PSMB4: variants seen among roughly 807,000 people sequenced by gnomAD.
PSMB4 encodes the protein proteasome subunit beta type-4.
A neutral mutation model predicts 35.2 loss-of-function variants in PSMB4; 16 were observed. The observed-to-expected ratio is 0.45, with a 90% CI of 0.31 to 0.69. PSMB4 has a LOEUF of 0.69. Among genes scored for constraint, PSMB4 ranks in the 30% least tolerant of loss-of-function variants. The probability of loss-of-function intolerance (pLI) is 0.06; values close to 1 mark genes in which losing one functional copy is unlikely to be tolerated. For synonymous variants in PSMB4, 144 were observed against 134.1 expected (o/e 1.07, Z -0.51); for missense variants, 333 against 351.8 (o/e 0.95, Z 0.43).
chr1:151,401,936 G>A lies in PSMB4; in HGVS notation c.*107G>A. ...GTAAAGTAAATAAATTCTTCAAAAT[G>A]CTTGCTGAGTGGTTTTTGTCTGACT... is the stretch of plus-strand genomic sequence containing the variant. On this transcript the variant is annotated 3_prime_UTR_variant, in exon 7 of 7. Transcript: ENST00000290541. The A allele has an allele frequency of 8.0e-7, 1 of 1,247,332 alleles. No individual in the cohort carries two copies. The allele number at this position is 1,247,332 out of a possible 1,614,324, so 77.3% of individuals were successfully genotyped here. A position where few individuals can be genotyped will look rare whatever the true frequency, so the allele number is the denominator to read the frequency against.
At position 151,400,127 on chromosome 1, in the gene PSMB4, T is replaced by C; in HGVS notation, c.287T>C (p.Leu96Pro). ...ATGCGAGTCAACAACAGTACCATGCTGGGTGCCTCTGGCGACTACGCTGAT... is the reference window on the plus strand; with the variant it reads ...ATGCGAGTCAACAACAGTACCATGCCGGGTGCCTCTGGCGACTACGCTGAT... ...RIMRVNNSTMLGASGDYADFQ... is the reference protein window; with the variant it reads ...RIMRVNNSTMPGASGDYADFQ... The change falls in exon 2 of 7, where the codon CTG becomes CCG. Residue 96 changes from leucine to proline, a missense_variant. Coordinates refer to ENST00000290541, the MANE Select transcript of PSMB4 (RefSeq NM_002796.3). 6.2e-7 allele frequency: 1 copy of C among 1,614,208 alleles called. No individual in the cohort carries two copies. Among genetic ancestry groups the C allele is most frequent in the Non-Finnish European group, 8.5e-7 (1 of 1,180,040 alleles).
intron 2 of PSMB4, 120 bp downstream of exon 2, chr1:151,400,307 G>A (rs1284626301): frequency 4.8e-6 from 7 of 1,453,306 alleles, no homozygotes; most frequent in Non-Finnish European, 6.7e-6. Context: ...AGTTGTTGGA[G>A]GTGGGCGATC....
chr1:151,399,890 G>A (rs960448364), intron 1 of PSMB4, 91 bp from the exon 2 acceptor site: 1 of 1,539,840 alleles, frequency 6.5e-7, no homozygotes. Flanking sequence ...ATAATTGGAA[G>A]GAATTATAGA....
chr1:151,401,128 A>T, intron 4 of PSMB4, 111 bp from the exon 5 acceptor site: 1 of 977,932 alleles, frequency 1.0e-6, no homozygotes, highest in Non-Finnish European at 1.6e-6. Context: ...CTGGTGAGGC[A>T]AGAAGTAGAA....
At chr1:151,401,709 AC>A in intron 6 of PSMB4, 79 bp downstream of exon 6, 9 of 1,539,040 alleles carry the variant, frequency 5.8e-6, no homozygotes, top group Non-Finnish European at 7.2e-6. Flanking sequence ...TGGGAGGCTC[AC>A]CCAGGAAAAT....
chr1:151,401,893 A>T lies in PSMB4; in HGVS notation c.*64A>T. 1 of 1,437,288 alleles carries T rather than the reference A, an allele frequency of 7.0e-7. No homozygotes were observed. Among genetic ancestry groups the T allele is most frequent in the South Asian group, 1.2e-5 (1 of 85,526 alleles). The allele number at this position is 1,437,288 out of a possible 1,614,324, so 89.0% of individuals were successfully genotyped here. On this transcript the variant is annotated 3_prime_UTR_variant, in exon 7 of 7. Coordinates refer to ENST00000290541, the MANE Select transcript of PSMB4 (RefSeq NM_002796.3). ...TTTAACTTTGAACTTGGCTAGTTCA[A>T]AGATAGACTCTTCTTTTGTAAAGTA...
intron 5 of PSMB4, 68 bp from the exon 6 acceptor site, chr1:151,401,474 A>T: frequency 1.3e-6 from 2 of 1,514,480 alleles, no homozygotes; most frequent in South Asian, 2.3e-5. Context: ...ATTGGGGAAG[A>T]CCTCCACCTG....
intron 6 of PSMB4, 27 bp downstream of exon 6, chr1:151,401,657 C>CA (rs1201832814): frequency 1.9e-6 from 3 of 1,574,758 alleles, no homozygotes; most frequent in Middle Eastern, 1.7e-4. Context: ...AAATTGGTGA[C>CA]AGACTTGGGA....
At position 151,399,587 on chromosome 1, in the gene PSMB4, G is replaced by C. The variant is rs753462920; in HGVS notation, c.-1G>C. The C allele has an allele frequency of 3.7e-6, 6 of 1,609,104 alleles. No individual in the cohort carries two copies. Among genetic ancestry groups the C allele is most frequent in the Non-Finnish European group, 5.1e-6 (6 of 1,178,248 alleles). ...TCATTTTTTCTGCTACCGTGACTAA[G>C]ATGGAAGCGTTTTTGGGGTCGCGGT... On this transcript the variant is annotated 5_prime_UTR_variant, in exon 1 of 7. Transcript: ENST00000290541.
Position 151,401,798 on chromosome 1 carries a change from TTC to T in PSMB4, c.783-17_783-16del, listed in dbSNP as rs200105655. 2,660 of 1,607,090 alleles carry T rather than the reference TTC, an allele frequency of 1.7e-3. 35 individuals are homozygous for T. In the African/African-American group the frequency reaches 0.031, roughly 19 times the overall value. On this transcript the variant is annotated splice_polypyrimidine_tract_variant and intron_variant, in intron 6 of 6. Coordinates refer to ENST00000290541, the MANE Select transcript of PSMB4 (RefSeq NM_002796.3). ...CCCTTTATGCTTCACAATTTTATTA[TTC>T]TGTCTTCCTTTTTTAGTGGCTTTGA...
At chr1:151,401,731 G>T (rs1652850302) in intron 6 of PSMB4, 86 bp from the exon 7 acceptor site, 2 of 1,556,610 alleles carry the variant, frequency 1.3e-6, no homozygotes, top group African/African-American at 2.7e-5. Context: ...TTTCTGGGTG[G>T]AAAGTTTTGG....
Position 151,400,514 on chromosome 1 carries a change from C to T in PSMB4, c.420C>T (p.Ala140=). Residue 140 remains alanine, a synonymous_variant, in exon 3 of 7, where the codon GCC becomes GCT. Transcript: ENST00000290541. ...PRAIHSWLTR[A]MYSRRSKMNP... is the part of the protein sequence containing the mutation. ...CTATTCATTCATGGCTGACCAGGGC[C>T]ATGTACAGCCGGCGCTCGAAGATGA... 1 of 1,614,106 alleles carries T rather than the reference C, an allele frequency of 6.2e-7. No individual in the cohort carries two copies. The highest frequency in any genetic ancestry group is 8.5e-7 in the Non-Finnish European group (1 of 1,180,038).
intron 2 of PSMB4, 58 bp from the exon 3 acceptor site, chr1:151,400,384 G>A (rs1652770031): frequency 6.3e-7 from 1 of 1,582,366 alleles, no homozygotes; most frequent in Non-Finnish European, 8.6e-7. Context: ...TTCTTTTGGG[G>A]ATGGGTGGAG....
At position 151,401,274 on chromosome 1, in the gene PSMB4, G is replaced by A. The variant is rs1393758103; in HGVS notation, c.612G>A (p.Val204=). The A allele has an allele frequency of 1.2e-6, 2 of 1,614,032 alleles. No individual in the cohort carries two copies. The highest frequency in any genetic ancestry group is 8.5e-7 in the Non-Finnish European group (1 of 1,180,030). Residue 204 remains valine (V), a synonymous_variant, in exon 5 of 7, where the codon GTG becomes GTA. Coordinates refer to ENST00000290541, the MANE Select transcript of PSMB4 (RefSeq NM_002796.3). The part of the protein sequence containing the change: ...LLREVLEKQP[V]LSQTEARDLV... The stretch of plus-strand genomic sequence containing the variant: ...GAGAAGTTCTGGAGAAGCAGCCAGT[G>A]CTAAGCCAGACCGAGGCCCGCGACT...
rs1422482049 is a variant in PSMB4, at chr1:151,400,623, C to T, written c.494+35C>T. On this transcript the variant is annotated intron_variant, in intron 3 of 6. Coordinates refer to ENST00000290541, the MANE Select transcript of PSMB4 (RefSeq NM_002796.3). ...AATACAAATAACTTATTTCCTTTAC[C>T]ACCCAACCTAGTACCTGTGTAGTAT... 1.1e-5 allele frequency: 18 copies of T among 1,613,806 alleles called. No individual in the cohort carries two copies. In the Admixed American group the frequency reaches 3.0e-4, roughly 27 times the overall value.
Position 151,401,856 on chromosome 1 carries a change from A to G in PSMB4, c.*27A>G, listed in dbSNP as rs1220982404. On this transcript the variant is annotated 3_prime_UTR_variant, in exon 7 of 7. Transcript: ENST00000290541. Reference sequence around the variant, plus strand: ...ATACAGATGCATTATCCAGAACTGAAGTTGCCCTACTTTTAACTTTGAACT... The same window carrying G: ...ATACAGATGCATTATCCAGAACTGAGGTTGCCCTACTTTTAACTTTGAACT... 1 of 1,603,484 alleles carries G rather than the reference A, an allele frequency of 6.2e-7. No individual in the cohort carries two copies. The highest frequency in any genetic ancestry group is 2.2e-5 in the East Asian group (1 of 44,840).
intron 1 of PSMB4, 105 bp downstream of exon 1, chr1:151,399,832 G>A: frequency 3.2e-6 from 5 of 1,586,448 alleles, no homozygotes; most frequent in Non-Finnish European, 4.3e-6. Context: ...CCCCGGGGGC[G>A]CGCGAACGGC....
rs775025489 is a variant in PSMB4 at position 151,399,968 on chromosome 1, TCTCA to T, written c.141-9_141-6del. The T allele has an allele frequency of 1.9e-6, 3 of 1,612,694 alleles. No homozygotes were observed. The highest frequency in any genetic ancestry group is 8.5e-7 in the Non-Finnish European group (1 of 1,179,384). ...CATCCCCCCTCTCAGCTCCCACCGT[TCTCA>T]CTCTTTAGGAACCCCATGGTGACCG... On this transcript the variant is annotated splice_polypyrimidine_tract_variant and intron_variant, in intron 1 of 6. Transcript: ENST00000290541.
Position 151,401,650 on chromosome 1 carries a change from T to G in PSMB4, c.782+20T>G, listed in dbSNP as rs373666677. ...GATCAGGTGAGTAATAGGGAAAAAA[T>G]TGGTGACAGACTTGGGAGGTCTTTG... On this transcript the variant is annotated intron_variant, in intron 6 of 6. Transcript: ENST00000290541. The G allele has an allele frequency of 2.7e-5, 42 of 1,582,126 alleles. No individual in the cohort carries two copies. The highest frequency in any genetic ancestry group is 3.6e-5 in the Non-Finnish European group (41 of 1,151,872).
Sources: allele counts gnomAD v4.1 joint callset, GRCh38; gene constraint gnomAD v4.1.1; transcripts MANE v1.5; gene names NCBI Gene and HGNC (gene_info 2026-07-23, HGNC 2026-07-21).